TPRG1: variants seen among roughly 807,000 people sequenced by gnomAD.
TPRG1 encodes tumor protein p63 regulated 1, also known as tumor protein p63-regulated gene 1 protein.
In TPRG1, 29 loss-of-function variants were observed where a neutral mutation model predicts 29.3. The ratio of observed to expected loss-of-function variants is 0.99; its 90% CI spans 0.74 to 1.35. The LOEUF is 1.35. TPRG1 is among the 40% of genes most tolerant of loss of function. The pLI is 0.00. For missense variants in TPRG1, 327 were observed against 335.0 expected (o/e 0.98, Z 0.19); for synonymous variants, 130 against 116.8 (o/e 1.11, Z -0.73).
intron 4 of TPRG1, among the ~76,000 whole-genome samples, chr3:189,082,731 G>GAACATTCAT (rs751099557): frequency 6.6e-6 from 1 of 152,154 alleles, no homozygotes; most frequent in Non-Finnish European, 1.5e-5. Flanking sequence ...CCAGTGGTTA[G>GAACATTCAT]AACATTCATA....
upstream of TPRG1, among the ~76,000 whole-genome samples, chr3:189,168,480 A>T (rs1374072324): frequency 6.6e-6 from 1 of 152,186 alleles, no homozygotes; most frequent in Non-Finnish European, 1.5e-5. Flanking sequence ...CCATCCGTCA[A>T]AGTAGGTATC....
chr3:189,130,518 C>T (rs1722989778), intron 2 of TPRG1, among the ~76,000 whole-genome samples: 1 of 152,192 alleles, frequency 6.6e-6, no homozygotes, highest in Non-Finnish European at 1.5e-5. Context: ...CAAAACGTAG[C>T]AGATTATTTT....
chr3:189,181,985 AAG>A (rs1463215755), intron 1 of TPRG1, among the ~76,000 whole-genome samples: 1 of 152,156 alleles, frequency 6.6e-6, no homozygotes, highest in Admixed American at 6.5e-5. Flanking sequence ...CAGACAAAGA[AAG>A]AGAATTTGGG....
intron 1 of TPRG1, among the ~76,000 whole-genome samples, chr3:189,176,773 G>T (rs115664564): frequency 0.012 from 1,771 of 152,324 alleles, 31 homozygotes; most frequent in African/African-American, 0.039. Context: ...AAAATAAGGC[G>T]TGGAACGAAC....
intron 5 of TPRG1, among the ~76,000 whole-genome samples, chr3:189,164,441 C>A (rs1362407876): frequency 6.6e-6 from 1 of 152,076 alleles, no homozygotes; most frequent in East Asian, 1.9e-4. Flanking sequence ...GGATTACAGG[C>A]GTGAGCCACC....
intron 3 of TPRG1, among the ~76,000 whole-genome samples, chr3:189,238,352 G>A (rs1739883739): frequency 6.6e-6 from 1 of 152,182 alleles, no homozygotes; most frequent in South Asian, 2.1e-4. Context: ...CTAGAACAAA[G>A]AGATATTTTT....
chr3:189,288,399 T>C (rs887166287), intron 4 of TPRG1, among the ~76,000 whole-genome samples: 2 of 152,204 alleles, frequency 1.3e-5, no homozygotes, highest in African/African-American at 4.8e-5. Flanking sequence ...ATGAATATTA[T>C]AGCACATAGG....
chr3:189,002,413 A>G (rs1712074025), intron 2 of TPRG1, among the ~76,000 whole-genome samples: 1 of 151,968 alleles, frequency 6.6e-6, no homozygotes, highest in Non-Finnish European at 1.5e-5. Flanking sequence ...CTAAATTGTG[A>G]GGCAAAAATC....
At chr3:189,211,390 T>C (rs1469595664) in intron 2 of TPRG1, among the ~76,000 whole-genome samples, 1 of 152,208 alleles carries the variant, frequency 6.6e-6, no homozygotes, top group Non-Finnish European at 1.5e-5. Flanking sequence ...AGTTCAATTA[T>C]ATGAATTACA....
At chr3:188,997,554 C>T (rs1478968258) in intron 1 of TPRG1, among the ~76,000 whole-genome samples, 3 of 152,170 alleles carry the variant, frequency 2.0e-5, no homozygotes, top group Non-Finnish European at 4.4e-5. Context: ...GAGAGGGTTA[C>T]TGGAACATGA....
chr3:189,289,114 T>G (rs1361358386), intron 4 of TPRG1, among the ~76,000 whole-genome samples: 1 of 152,220 alleles, frequency 6.6e-6, no homozygotes, highest in Non-Finnish European at 1.5e-5. Context: ...GCACCTGCAC[T>G]TCTTCCCCGT....
intron 4 of TPRG1, among the ~76,000 whole-genome samples, chr3:189,081,103 T>G (rs1473687505): frequency 6.6e-6 from 1 of 152,116 alleles, no homozygotes; most frequent in African/African-American, 2.4e-5. Context: ...AGAAGAATAA[T>G]TGTGATTGAA....
chr3:189,025,575 A>C (rs1713613848), intron 4 of TPRG1, among the ~76,000 whole-genome samples: 1 of 152,108 alleles, frequency 6.6e-6, no homozygotes, highest in Non-Finnish European at 1.5e-5. Flanking sequence ...GTATCTTCTC[A>C]AGGGTGCTGA....
intron 4 of TPRG1, among the ~76,000 whole-genome samples, chr3:189,259,255 T>C (rs966989187): frequency 6.6e-6 from 1 of 151,546 alleles, no homozygotes; most frequent in Non-Finnish European, 1.5e-5. Flanking sequence ...GGGGAGGGAG[T>C]TCCCTGACCC....
intron 4 of TPRG1, among the ~76,000 whole-genome samples, chr3:189,085,510 A>G (rs953642777): frequency 1.3e-5 from 2 of 151,874 alleles, no homozygotes; most frequent in African/African-American, 4.8e-5. Context: ...TTGCAGCTAG[A>G]CCAATGTTTG....
At chr3:189,214,854 AAG>A (rs1383371551) in intron 2 of TPRG1, among the ~76,000 whole-genome samples, 7 of 152,246 alleles carry the variant, frequency 4.6e-5, no homozygotes, top group Non-Finnish European at 1.0e-4. Flanking sequence ...AGGAGACTGA[AAG>A]AGTGTATCTC....
intron 4 of TPRG1, among the ~76,000 whole-genome samples, chr3:189,286,273 C>A (rs1021868161): frequency 6.6e-6 from 1 of 152,050 alleles, no homozygotes; most frequent in African/African-American, 2.4e-5. Flanking sequence ...TTTCCCACTG[C>A]ATTAGTCTTG....
In TPRG1 at chr3:189,026,940, C is replaced by G. The variant is rs187907589; in HGVS notation, c.-463+2994C>G. On this transcript the variant is annotated intron_variant, in intron 4 of 10. Coordinates refer to the TPRG1 transcript ENST00000433971. ...CAGGTCTTAAACATGACTTGTGCCACTTATATATATCAATAACTTTAGAAA... is the reference window on the plus strand; with the variant it reads ...CAGGTCTTAAACATGACTTGTGCCAGTTATATATATCAATAACTTTAGAAA... Among the ~76,000 whole-genome samples the G allele has an allele frequency of 3.9e-5, 6 of 152,246 alleles. No homozygotes were observed. The East Asian group carries it at 1.2e-3, about 29-fold the overall frequency.
intron 4 of TPRG1, among the ~76,000 whole-genome samples, chr3:189,296,096 C>G (rs1227722473): frequency 6.6e-6 from 1 of 152,128 alleles, no homozygotes; most frequent in Non-Finnish European, 1.5e-5. Context: ...CTTACCAGGA[C>G]AGAACAAACT....
Sources: allele counts gnomAD v4.1 joint callset (sites outside exome capture counted in the v4.1 genomes callset), GRCh38; gene constraint gnomAD v4.1.1; transcripts MANE v1.5; gene names NCBI Gene and HGNC (gene_info 2026-07-23, HGNC 2026-07-21).